PNPLA6: variants seen among roughly 807,000 people sequenced by gnomAD.
PNPLA6 encodes the protein patatin like domain 6, lysophospholipase, also known as patatin-like phospholipase domain-containing protein 6.
Under a neutral mutation model 153.7 loss-of-function variants are expected in PNPLA6, and 105 were observed. The observed-to-expected ratio is 0.68, with a 90% CI of 0.58 to 0.80. The LOEUF is 0.80. Ranked by LOEUF, PNPLA6 falls within the 30% of genes least tolerant of loss-of-function variation. PNPLA6 has a pLI of 0.00. For synonymous variants in PNPLA6, 825 were observed against 822.2 expected (o/e 1.00, Z -0.06); for missense variants, 1,423 against 1,919.3 (o/e 0.74, Z 4.83).
chr19:7,549,438 G>A (rs12461638), intron 13 of PNPLA6, among the ~76,000 whole-genome samples: 40,911 of 149,622 alleles, frequency 0.27, 5,952 homozygotes, highest in African/African-American at 0.38. Context: ...CGCCTGCCTC[G>A]GCCTCCCAAA....
Position 7,541,326 on chromosome 19 carries a change from T to G in PNPLA6, c.925-28T>G. Reference sequence around the variant, plus strand: ...GCCCTGCCCCTTACCCCGCCCCATCTTATGGCCACGCCCCTCGAGCCCTGC... The same window carrying G: ...GCCCTGCCCCTTACCCCGCCCCATCGTATGGCCACGCCCCTCGAGCCCTGC... On this transcript the variant is annotated intron_variant, in intron 7 of 31. Coordinates refer to ENST00000600737, the MANE Select transcript of PNPLA6 (RefSeq NM_001166114.2). This position sits in a 1 kb window ranked among gnomAD's most constrained non-coding sequence, Gnocchi z 5.2. 1.9e-6 allele frequency: 3 copies of G among 1,605,154 alleles called. No homozygotes were observed. Among genetic ancestry groups the G allele is most frequent in the East Asian group, 2.2e-5 (1 of 44,750 alleles).
At chr19:7,561,181 C>A in intron 30 of PNPLA6, 27 bp from the exon 31 acceptor site, 1 of 1,592,660 alleles carries the variant, frequency 6.3e-7, no homozygotes, top group Non-Finnish European at 8.6e-7. Flanking sequence ...CCAATCCCCT[C>A]ACCTGTGCCC....
In PNPLA6 at chr19:7,551,137, G is replaced by A. The variant is rs1008107530; in HGVS notation, c.2184+30G>A. On this transcript the variant is annotated intron_variant, in intron 17 of 31. Transcript: ENST00000600737. ...GGCCTGTTGTGGGCGGGGCAGAGAG[G>A]CGGAGGCGGGACTCCGGGGGGGTGG... The A allele has an allele frequency of 9.0e-6, 13 of 1,443,374 alleles. No homozygotes were observed. The South Asian group carries it at 1.3e-4, about 15-fold the overall frequency. 89.4% of individuals were successfully genotyped at this position (1,443,374 alleles called of 1,614,324 possible). A position where few individuals can be genotyped will look rare whatever the true frequency, so the allele number is the denominator to read the frequency against.
intron 17 of PNPLA6, 77 bp downstream of exon 17, chr19:7,551,184 C>T (rs1257749163): frequency 4.5e-6 from 1 of 224,714 alleles, no homozygotes; most frequent in Non-Finnish European, 8.2e-6. Context: ...AGTGTGTGGG[C>T]GGGGCTTACA....
In PNPLA6 at chr19:7,542,052, C is replaced by T. The variant is rs768468367; in HGVS notation, c.1237C>T (p.Pro413Ser). The T allele has an allele frequency of 4.4e-6, 7 of 1,606,594 alleles. No homozygotes were observed. Among genetic ancestry groups the T allele is most frequent in the Non-Finnish European group, 5.9e-6 (7 of 1,179,874 alleles). Residue 413 changes from proline (P) to serine (S), a missense_variant, in exon 10 of 32, where the codon CCA becomes TCA. Pro to Ser is a moderately conservative substitution (Grantham distance 74). Transcript: ENST00000600737. ...APLLSRCVSM[P>S]GDISGLQGGP... ...TCTGCTGAGCCGCTGCGTCTCCATG[C>T]CAGGGGACATCTCAGGTTTGGAGCA...
intron 13 of PNPLA6, 41 bp downstream of exon 13, chr19:7,543,125 C>A: frequency 6.5e-7 from 1 of 1,542,194 alleles, no homozygotes; most frequent in Non-Finnish European, 9.0e-7. Context: ...CACCTGAGAT[C>A]ATTCCCTATG....
chr19:7,544,430 T>G (rs1054817394), intron 13 of PNPLA6, among the ~76,000 whole-genome samples: 11 of 152,160 alleles, frequency 7.2e-5, no homozygotes, highest in Admixed American at 6.6e-4. Flanking sequence ...CATTTTTGAT[T>G]GTTAGGATTT....
Position 7,550,308 on chromosome 19 carries a change from G to A in PNPLA6, c.1825G>A (p.Ala609Thr), listed in dbSNP as rs767380580. The A allele has an allele frequency of 1.9e-6, 3 of 1,612,802 alleles. No individual in the cohort carries two copies. Among genetic ancestry groups the A allele is most frequent in the African/African-American group, 1.3e-5 (1 of 75,068 alleles). The change falls in exon 15 of 32, where the codon GCA (alanine) becomes ACA (threonine). Residue 609 changes from alanine to threonine, a missense_variant. Ala to Thr is a moderately conservative substitution (Grantham distance 58). Around this residue, in one of 10 missense-constraint regions of PNPLA6, gnomAD observed 119 missense variants for 163.7 expected, o/e 0.73. Coordinates refer to ENST00000600737, the MANE Select transcript of PNPLA6 (RefSeq NM_001166114.2). ...AGTCTGTTCCTGCAGGATCATGCGC[G>A]CACAGCCCAGTGTGGTGCTGAGTGC... ...SKSDFYEIMRAQPSVVLSAAH... is the reference protein window; with the variant it reads ...SKSDFYEIMRTQPSVVLSAAH...
At position 7,540,384 on chromosome 19, in the gene PNPLA6, T is replaced by C; in HGVS notation, c.714+76T>C. 6.7e-7 allele frequency: 1 copy of C among 1,482,712 alleles called. No homozygotes were observed. The highest frequency in any genetic ancestry group is 9.1e-7 in the Non-Finnish European group (1 of 1,097,480). 91.8% of individuals were successfully genotyped at this position (1,482,712 alleles called of 1,614,324 possible). ...GGCAGCAGGCATTGGTCTGTAGAGC[T>C]GGTGGTCTTTGGAGATGCGTCATCG... On this transcript the variant is annotated intron_variant, in intron 5 of 31. Transcript: ENST00000600737. The surrounding 1 kb of genome is among the most constrained non-coding windows in gnomAD (Gnocchi z 6.8).
At chr19:7,547,822 T>TAAAAA (rs1439238561) in intron 13 of PNPLA6, among the ~76,000 whole-genome samples, 9 of 41,332 alleles carry the variant, frequency 2.2e-4, no homozygotes, top group African/African-American at 4.0e-4. Context: ...TTTTTTTTTT[T>TAAAAA]TTTTTTTTTT....
At chr19:7,560,492 C>T (rs185360350) in intron 28 of PNPLA6, 156 bp from the exon 29 acceptor site, 13 of 695,192 alleles carry the variant, frequency 1.9e-5, no homozygotes, top group East Asian at 5.4e-5. Context: ...GATGTGTAGG[C>T]GAGTGTGCTA....
chr19:7,548,174 GTC>G (rs1369792199), intron 13 of PNPLA6, among the ~76,000 whole-genome samples: 1 of 151,604 alleles, frequency 6.6e-6, no homozygotes, highest in African/African-American at 2.4e-5. Flanking sequence ...GTGAAACCCC[GTC>G]TCTACTAAAA....
intron 17 of PNPLA6, 40 bp downstream of exon 17, chr19:7,551,147 G>A (rs1039578632): frequency 2.3e-6 from 2 of 865,162 alleles, no homozygotes; most frequent in Admixed American, 2.2e-5. Flanking sequence ...GCGGAGGCGG[G>A]ACTCCGGGGG....
chr19:7,547,952 C>T (rs1265966905), intron 13 of PNPLA6, among the ~76,000 whole-genome samples: 1 of 151,386 alleles, frequency 6.6e-6, no homozygotes, highest in Admixed American at 6.6e-5. Flanking sequence ...TGTGGGCCAC[C>T]ACACCCAGCC....
upstream of PNPLA6, chr19:7,535,527 C>T: frequency 1.9e-6 from 3 of 1,594,032 alleles, no homozygotes; most frequent in South Asian, 2.3e-5. This position sits in a 1 kb window ranked among gnomAD's most constrained non-coding sequence, Gnocchi z 5.0. Context: ...GCTACCAGAT[C>T]GGCCGTCCAG....
At position 7,556,640 on chromosome 19, in the gene PNPLA6, TC is replaced by T. The variant is rs2146108627; in HGVS notation, c.3211-12del. 6.2e-7 allele frequency: 1 copy of T among 1,610,714 alleles called. No individual in the cohort carries two copies. The highest frequency in any genetic ancestry group is 8.5e-7 in the Non-Finnish European group (1 of 1,177,078). ...GCCCCCTGCTCCTCCCCCACCTCGA[TC>T]CCTGTCCCCGCAGGACCTGTGGCTG... On this transcript the variant is annotated splice_polypyrimidine_tract_variant and intron_variant, in intron 25 of 31. Transcript: ENST00000600737.
In PNPLA6 at chr19:7,539,304, C is replaced by T. The variant is rs149051941; in HGVS notation, c.414-614C>T. Among the ~76,000 whole-genome samples the T allele has an allele frequency of 1.3e-3, 205 of 152,162 alleles. No individual in the cohort carries two copies. In the East Asian group the frequency reaches 0.019, roughly 14 times the overall value. ...ACCAGCCTGGCCAACATGGGGAAACCTCATCTCTACTAAAAATACAAAAAA... is the reference window on the plus strand; with the variant it reads ...ACCAGCCTGGCCAACATGGGGAAACTTCATCTCTACTAAAAATACAAAAAA... On this transcript the variant is annotated intron_variant, in intron 3 of 31. Transcript: ENST00000600737.
rs1269739993 is a variant in PNPLA6 at position 7,541,548 on chromosome 19, C to G, written c.1032C>G (p.Pro344=). The change falls in exon 9 of 32, where the codon CCC becomes CCG. Residue 344 remains proline (P), a synonymous_variant. Coordinates refer to ENST00000600737, the MANE Select transcript of PNPLA6 (RefSeq NM_001166114.2). This position sits in a 1 kb window ranked among gnomAD's most constrained non-coding sequence, Gnocchi z 5.2. ...AGATCCAGCCCCTGCGTCTGTTCCC[C>G]AGCCCCGGCCTCCCAACTCGCACCA... ...SHEIQPLRLF[P]SPGLPTRTSP... is the part of the protein sequence containing the mutation. The G allele has an allele frequency of 6.2e-7, 1 of 1,604,000 alleles. No individual in the cohort carries two copies. The highest frequency in any genetic ancestry group is 1.1e-5 in the South Asian group (1 of 89,622).
rs1450490926 is a variant in PNPLA6 at position 7,555,895 on chromosome 19, T to C, written c.3093+132T>C. 1 of 967,670 alleles carries C rather than the reference T, an allele frequency of 1.0e-6. No individual in the cohort carries two copies. Among genetic ancestry groups the C allele is most frequent in the African/African-American group, 1.6e-5 (1 of 62,072 alleles). 59.9% of individuals were successfully genotyped at this position (967,670 alleles called of 1,614,324 possible). A position where few individuals can be genotyped will look rare whatever the true frequency, so the allele number is the denominator to read the frequency against. On this transcript the variant is annotated intron_variant, in intron 24 of 31. Coordinates refer to ENST00000600737, the MANE Select transcript of PNPLA6 (RefSeq NM_001166114.2). This position sits in a 1 kb window ranked among gnomAD's most constrained non-coding sequence, Gnocchi z 6.3. ...CCTGATTAAATCTATGATCCCCAGCTGTCCGGACTTTTATAGATAAGCTTC... is the reference window on the plus strand; with the variant it reads ...CCTGATTAAATCTATGATCCCCAGCCGTCCGGACTTTTATAGATAAGCTTC...
Sources: allele counts gnomAD v4.1 joint callset (sites outside exome capture counted in the v4.1 genomes callset), GRCh38; gene constraint gnomAD v4.1.1; regional missense constraint gnomAD v4.1.1; non-coding constraint Gnocchi (gnomAD v3.1); transcripts MANE v1.5; gene names NCBI Gene and HGNC (gene_info 2026-07-23, HGNC 2026-07-21).